The following PDE4D variants were observed in gnomAD, a reference collection of about 807,000 sequenced individuals.
The protein encoded by PDE4D is phosphodiesterase 4D.
In PDE4D, 24 loss-of-function variants were observed where a neutral mutation model predicts 87.4. The ratio of observed to expected loss-of-function variants is 0.27; its 90% CI spans 0.20 to 0.39. The LOEUF is 0.39. Ranked by LOEUF, PDE4D falls within the 10% of genes least tolerant of loss-of-function variation. PDE4D has a pLI of 1.00. For synonymous variants in PDE4D, 384 were observed against 383.2 expected, an observed-to-expected ratio of 1.00 and a Z score of -0.02; for missense variants, 714 against 1,041.0, an observed-to-expected ratio of 0.69 and a Z score of 4.32.
At chr5:59,175,837 C>G (rs1358098386) in intron 5 of PDE4D, among the ~76,000 whole-genome samples, 1 of 144,868 alleles carries the variant, frequency 6.9e-6, no homozygotes, top group Non-Finnish European at 1.5e-5. Flanking sequence ...ATTACATTGC[C>G]CAGGCTGGTC....
At chr5:60,299,626 C>T (rs1323393098) in intron 1 of PDE4D, among the ~76,000 whole-genome samples, 1 of 152,134 alleles carries the variant, frequency 6.6e-6, no homozygotes, top group African/African-American at 2.4e-5. Context: ...CATACAGCTC[C>T]CACTTATAAG....
At chr5:60,152,899 C>T (rs1470392568) in intron 2 of PDE4D, among the ~76,000 whole-genome samples, 2 of 152,112 alleles carry the variant, frequency 1.3e-5, no homozygotes, top group African/African-American at 2.4e-5. Context: ...ATTTCTGTAG[C>T]ATCAATTGTA....
chr5:60,096,323 T>C (rs1775677618), intron 2 of PDE4D, among the ~76,000 whole-genome samples: 1 of 152,092 alleles, frequency 6.6e-6, no homozygotes, highest in South Asian at 2.1e-4. Flanking sequence ...GGATTCCCTA[T>C]TTAATAAATG....
At chr5:59,306,166 C>A (rs373800211) in intron 1 of PDE4D, among the ~76,000 whole-genome samples, 2 of 152,208 alleles carry the variant, frequency 1.3e-5, no homozygotes, top group East Asian at 3.9e-4. Context: ...CTTTTAACTG[C>A]TATTGCTTTA....
chr5:59,805,410 C>T (rs1767625632), intron 1 of PDE4D, among the ~76,000 whole-genome samples: 1 of 152,144 alleles, frequency 6.6e-6, no homozygotes, highest in Admixed American at 6.5e-5. Context: ...TACAAAGTCC[C>T]CTTCTAGTTC....
chr5:59,252,344 G>C (rs1474583726), intron 1 of PDE4D, among the ~76,000 whole-genome samples: 1 of 152,078 alleles, frequency 6.6e-6, no homozygotes, highest in East Asian at 1.9e-4. Flanking sequence ...ATGGCCATAG[G>C]CTTTGGTGTC....
intron 2 of PDE4D, among the ~76,000 whole-genome samples, chr5:60,167,874 G>A (rs1344865410): frequency 1.3e-5 from 2 of 152,086 alleles, no homozygotes; most frequent in Admixed American, 1.3e-4. Context: ...ATGTTTCCCT[G>A]ATTATATCTG....
At chr5:59,470,339 T>A (rs1447732322) in intron 1 of PDE4D, among the ~76,000 whole-genome samples, 1 of 152,206 alleles carries the variant, frequency 6.6e-6, no homozygotes, top group Non-Finnish European at 1.5e-5. Flanking sequence ...AATTGGTCTG[T>A]GCCACTAACC....
chr5:59,039,571 CA>C lies in PDE4D; in HGVS notation c.809-601del, dbSNP rs1171633768. On this transcript the variant is annotated intron_variant, in intron 5 of 14. Coordinates refer to ENST00000340635, the MANE Select transcript of PDE4D (RefSeq NM_001104631.2). Reference sequence around the variant, plus strand: ...CAGGCGCAGCGCGGCTCCAACGCCGCAGCTTTCCGGGAACACTCCCCCTCAC... The same window carrying C: ...CAGGCGCAGCGCGGCTCCAACGCCGCGCTTTCCGGGAACACTCCCCCTCAC... 1.1e-4 allele frequency: 110 copies of C among 963,404 alleles called. 1 individual carries two copies. Among genetic ancestry groups the C allele is most frequent in the Admixed American group, 6.2e-5 (1 of 16,244 alleles). 59.7% of individuals were successfully genotyped at this position (963,404 alleles called of 1,614,324 possible).
At chr5:59,781,239 G>T (rs1456209432) in intron 1 of PDE4D, among the ~76,000 whole-genome samples, 2 of 149,798 alleles carry the variant, frequency 1.3e-5, no homozygotes, top group Non-Finnish European at 3.0e-5. Flanking sequence ...AGTTGTAATT[G>T]AAAAAGGAGT....
intron 2 of PDE4D, among the ~76,000 whole-genome samples, chr5:60,183,564 T>C (rs1784544484): frequency 6.6e-6 from 1 of 152,186 alleles, no homozygotes; most frequent in Non-Finnish European, 1.5e-5. Flanking sequence ...CTCTTTTGTA[T>C]GCCTTAAATT....
At position 60,143,603 on chromosome 5, in the gene PDE4D, TTGTGTGTGTGTGTGTG is replaced by T. The variant is rs34236719; in HGVS notation, c.42+41938_42+41953del. On this transcript the variant is annotated intron_variant, in intron 2 of 16. Coordinates refer to the PDE4D transcript ENST00000502484. The stretch of plus-strand genomic sequence containing the variant: ...AAATGACCTAGGAGCAGCTTGGGAA[TTGTGTGTGTGTGTGTG>T]TGTGTGTGTGTGTGTGTGTGTGTGT... Among the ~76,000 whole-genome samples, 719 of 117,762 alleles carry T rather than the reference TTGTGTGTGTGTGTGTG, an allele frequency of 6.1e-3. 8 individuals are homozygous for T. Among genetic ancestry groups the T allele is most frequent in the African/African-American group, 0.022 (653 of 30,166 alleles). The allele number at this position is 117,762 out of a possible 152,430, so 77.3% of individuals were successfully genotyped here. A position where few individuals can be genotyped will look rare whatever the true frequency, so the allele number is the denominator to read the frequency against.
chr5:59,085,108 CA>C (rs1335301340), intron 5 of PDE4D, among the ~76,000 whole-genome samples: 1 of 152,058 alleles, frequency 6.6e-6, no homozygotes, highest in Non-Finnish European at 1.5e-5. Context: ...AGACTCTACA[CA>C]AAGATATTCA....
intron 5 of PDE4D, among the ~76,000 whole-genome samples, chr5:59,086,589 C>T (rs764124469): frequency 7.2e-4 from 109 of 152,234 alleles, no homozygotes; most frequent in Non-Finnish European, 1.3e-3. Context: ...GTGCTGAAAA[C>T]CCCAGCTTAC....
chr5:60,181,583 A>G (rs986631722), intron 2 of PDE4D, among the ~76,000 whole-genome samples: 2 of 152,230 alleles, frequency 1.3e-5, no homozygotes, highest in African/African-American at 2.4e-5. Flanking sequence ...TAGAACATCC[A>G]TAAGAATCCT....
intron 2 of PDE4D, among the ~76,000 whole-genome samples, chr5:60,022,165 C>G (rs1358500053): frequency 7.9e-6 from 1 of 126,314 alleles, no homozygotes; most frequent in Non-Finnish European, 1.7e-5. Flanking sequence ...CTGGATAGGA[C>G]AGTTTTAAAG....
chr5:59,893,121 G>A, intron 1 of PDE4D, 47 bp downstream of exon 1: 2 of 1,502,188 alleles, frequency 1.3e-6, no homozygotes, highest in South Asian at 1.3e-5. Context: ...TGAGAAAAGG[G>A]GAGGTGACCC....
intron 1 of PDE4D, among the ~76,000 whole-genome samples, chr5:59,279,772 A>T (rs748129387): frequency 5.3e-5 from 8 of 151,538 alleles, no homozygotes; most frequent in Non-Finnish European, 3.0e-5. Flanking sequence ...CTTGCTCTTC[A>T]TGATGTGTAT....
chr5:59,835,935 G>A (rs918620728), intron 1 of PDE4D, among the ~76,000 whole-genome samples: 5 of 152,008 alleles, frequency 3.3e-5, no homozygotes, highest in East Asian at 3.9e-4. Context: ...GAGCCTGACC[G>A]TCTGGGTCAT....
Sources: allele counts gnomAD v4.1 joint callset (sites outside exome capture counted in the v4.1 genomes callset), GRCh38; gene constraint gnomAD v4.1.1; transcripts MANE v1.5; gene names NCBI Gene and HGNC (gene_info 2026-07-23, HGNC 2026-07-21).